The following KIF25 variants were observed in gnomAD, a reference collection of about 807,000 sequenced individuals.
KIF25 encodes the protein kinesin-like protein KIF25.
KIF25 carries 19 observed loss-of-function variants against 32.9 expected under a neutral mutation model. The ratio of observed to expected loss-of-function variants is 0.58; its 90% confidence interval spans 0.40 to 0.85. The LOEUF is 0.85. Ranked by LOEUF, KIF25 falls within the 40% of genes least tolerant of loss-of-function variation. KIF25 has a pLI of 0.00. For missense variants in KIF25, 485 were observed against 507.0 expected (o/e 0.96, Z 0.42); for synonymous variants, 225 against 213.7 (o/e 1.05, Z -0.46).
At chr6:168,031,005 C>A (rs561130976) in intron 7 of KIF25, among the ~76,000 whole-genome samples, 158 bp downstream of exon 7, 1 of 152,190 alleles carries the variant, frequency 6.6e-6, no homozygotes, top group African/African-American at 2.4e-5. Context: ...CCACTTGCAT[C>A]CGTGGAGACT....
intron 2 of KIF25, among the ~76,000 whole-genome samples, chr6:168,001,346 G>A (rs1421850219): frequency 1.3e-5 from 2 of 152,216 alleles, no homozygotes; most frequent in African/African-American, 4.8e-5. Context: ...TTTGGATGAG[G>A]GATGCTCAGC....
intron 12 of KIF25, among the ~76,000 whole-genome samples, chr6:168,043,673 C>T (rs761444036): frequency 4.6e-5 from 7 of 152,216 alleles, no homozygotes; most frequent in African/African-American, 7.2e-5. Flanking sequence ...AGAGACAGGG[C>T]GACCTGGGTC....
In KIF25 at chr6:168,044,900, C is replaced by A. The variant is rs371311840; in HGVS notation, c.1059C>A (p.Gly353=). ...SQRHLAQTLQ[G]LGFGIRARQV... ...GGCACCTGGCACAGACGTTGCAGGG[C>A]CTGGGTTTCGGGATCCGAGCTCGGC... The change falls in exon 13 of 13, where the codon GGC becomes GGA. Residue 353 remains glycine (G), a synonymous_variant. Transcript: ENST00000643607. 6.2e-7 allele frequency: 1 copy of A among 1,613,234 alleles called. No homozygotes were observed. Among genetic ancestry groups the A allele is most frequent in the Non-Finnish European group, 8.5e-7 (1 of 1,179,400 alleles).
chr6:168,030,042 G>C (rs1305144950), intron 6 of KIF25, among the ~76,000 whole-genome samples: 2 of 152,224 alleles, frequency 1.3e-5, no homozygotes, highest in Admixed American at 1.3e-4. Context: ...ACCTGACCAA[G>C]TGCAACCAAC....
chr6:168,010,934 G>T (rs1247656311), intron 4 of KIF25, among the ~76,000 whole-genome samples: 4 of 151,948 alleles, frequency 2.6e-5, no homozygotes, highest in African/African-American at 9.7e-5. Flanking sequence ...ACTCCTGATT[G>T]CTTTTGGTTT....
At chr6:168,016,972 C>T (rs1423660661) in intron 4 of KIF25, among the ~76,000 whole-genome samples, 3 of 152,228 alleles carry the variant, frequency 2.0e-5, no homozygotes, top group African/African-American at 7.2e-5. Flanking sequence ...CCCACGGCCT[C>T]TCACCTCTGG....
chr6:168,005,540 G>A (rs1212422024), intron 4 of KIF25, among the ~76,000 whole-genome samples: 1 of 152,180 alleles, frequency 6.6e-6, no homozygotes, highest in African/African-American at 2.4e-5. Flanking sequence ...GGGACAGAAC[G>A]AATGGAATAG....
At chr6:168,019,940 C>T (rs1187917520) in intron 5 of KIF25, among the ~76,000 whole-genome samples, 2 of 152,126 alleles carry the variant, frequency 1.3e-5, no homozygotes, top group African/African-American at 4.8e-5. Context: ...CGAGACCATC[C>T]TGGCCAAATG....
intron 10 of KIF25, among the ~76,000 whole-genome samples, chr6:168,040,481 G>T (rs1436199336): frequency 6.6e-6 from 1 of 152,088 alleles, no homozygotes; most frequent in Non-Finnish European, 1.5e-5. Context: ...CAGGAGAATT[G>T]CTTGAACCCA....
At chr6:168,007,078 G>A (rs906929871) in intron 4 of KIF25, among the ~76,000 whole-genome samples, 6 of 152,170 alleles carry the variant, frequency 3.9e-5, no homozygotes, top group Admixed American at 1.3e-4. Context: ...ATATACAGAT[G>A]TATATGATTA....
rs75723385 is a variant in KIF25 at position 168,010,625 on chromosome 6, T to C, written c.-163+6922T>C. Among the ~76,000 whole-genome samples the C allele has an allele frequency of 3.6e-3, 548 of 152,282 alleles. 2 individuals carry two copies. The highest frequency in any genetic ancestry group is 0.012 in the African/African-American group (502 of 41,578). Reference sequence around the variant, plus strand: ...TGTTGAGTGAAATGTTCTGTAAGTGTCTTCTGGTCCATTTGGTTTATGGTG... The same window carrying C: ...TGTTGAGTGAAATGTTCTGTAAGTGCCTTCTGGTCCATTTGGTTTATGGTG... On this transcript the variant is annotated intron_variant, in intron 4 of 12. Coordinates refer to ENST00000643607, the MANE Select transcript of KIF25 (RefSeq NM_030615.4).
chr6:168,028,962 T>C (rs1328953800), intron 5 of KIF25, among the ~76,000 whole-genome samples: 3 of 152,248 alleles, frequency 2.0e-5, no homozygotes, highest in Non-Finnish European at 4.4e-5. Flanking sequence ...ATTATTTTAC[T>C]GATTTAGTAA....
Position 167,997,754 on chromosome 6 carries a change from C to A in KIF25, c.-1715C>A, listed in dbSNP as rs1008690430. ...AGTCTCAGGGTTTGATTTTGCAACACGAGGATGCCAAGGTGGATGATTGAG... is the reference window on the plus strand; with the variant it reads ...AGTCTCAGGGTTTGATTTTGCAACAAGAGGATGCCAAGGTGGATGATTGAG... On this transcript the variant is annotated 5_prime_UTR_variant, in exon 1 of 13. Coordinates refer to ENST00000643607, the MANE Select transcript of KIF25 (RefSeq NM_030615.4). Among the ~76,000 whole-genome samples the A allele has an allele frequency of 1.3e-5, 2 of 150,822 alleles. No homozygotes were observed. The highest frequency in any genetic ancestry group is 4.8e-5 in the African/African-American group (2 of 41,326).
At chr6:168,016,248 C>T (rs1315055512) in intron 4 of KIF25, among the ~76,000 whole-genome samples, 2 of 152,174 alleles carry the variant, frequency 1.3e-5, no homozygotes, top group Non-Finnish European at 2.9e-5. Flanking sequence ...CTGCTTCTGG[C>T]TTAGGGGATG....
chr6:168,030,804 G>A lies in KIF25; in HGVS notation c.124G>A (p.Val42Ile). The change falls in exon 7 of 13, where the codon GTC becomes ATC. Residue 42 changes from valine (V) to isoleucine (I), a missense_variant. Transcript: ENST00000643607. Reference protein sequence around the residue: ...VYGPAESQSAVFGDVCPLLTS... With the variant: ...VYGPAESQSAIFGDVCPLLTS... ...TGGTCCAGCAGAGTCTCAGAGCGCG[G>A]TCTTTGGAGATGTGTGCCCCCTACT... 6.2e-7 allele frequency: 1 copy of A among 1,613,390 alleles called. No individual in the cohort carries two copies. The highest frequency in any genetic ancestry group is 1.7e-4 in the Middle Eastern group (1 of 6,060).
rs555937626 is a variant in KIF25, at chr6:168,024,742, G to C, written c.-94-4750G>C. ...AGGCCAAGGCGGGTGGATCATCTGA[G>C]GTCAGGAGTTCAAGACCAGCCTGGC... On this transcript the variant is annotated intron_variant, in intron 5 of 12. Transcript: ENST00000643607. Among the ~76,000 whole-genome samples the C allele has an allele frequency of 2.6e-5, 4 of 151,894 alleles. No homozygotes were observed. In the East Asian group the frequency reaches 7.8e-4, roughly 30 times the overall value.
intron 2 of KIF25, among the ~76,000 whole-genome samples, chr6:168,000,060 T>C (rs1168741727): frequency 2.5e-5 from 2 of 80,962 alleles, no homozygotes; most frequent in Non-Finnish European, 2.4e-5. Context: ...ACTCCCATCC[T>C]GACCACACCT....
intron 5 of KIF25, among the ~76,000 whole-genome samples, chr6:168,023,043 C>A (rs892050510): frequency 1.3e-5 from 2 of 152,172 alleles, no homozygotes; most frequent in East Asian, 3.9e-4. Context: ...TTATCTGGAC[C>A]CCCTTTTCAG....
chr6:168,027,474 AAG>A (rs1270030898), intron 5 of KIF25, among the ~76,000 whole-genome samples: 2 of 140,596 alleles, frequency 1.4e-5, no homozygotes, highest in African/African-American at 2.6e-5. Context: ...AAAAAAAAAA[AAG>A]AGAGAGAGAG....
Sources: allele counts gnomAD v4.1 joint callset (sites outside exome capture counted in the v4.1 genomes callset), GRCh38; gene constraint gnomAD v4.1.1; transcripts MANE v1.5; gene names NCBI Gene and HGNC (gene_info 2026-07-23, HGNC 2026-07-21).